Variants in ARID1B observed in about 807,000 individuals in gnomAD.
ARID1B encodes AT-rich interactive domain-containing protein 1B.
A neutral mutation model predicts 212.3 loss-of-function variants in ARID1B; 30 were observed. The ratio of observed to expected loss-of-function variants is 0.14; its 90% CI spans 0.11 to 0.19. The LOEUF is 0.19. ARID1B is among the 10% of genes least tolerant of loss of function. The pLI is 1.00. For synonymous variants in ARID1B, 1,402 were observed against 1,301.7 expected (o/e 1.08, Z -1.66); for missense variants, 2,891 against 3,204.0 (o/e 0.90, Z 2.36).
chr6:156,820,508 C>T (rs544666801), intron 1 of ARID1B, among the ~76,000 whole-genome samples: 2 of 152,300 alleles, frequency 1.3e-5, no homozygotes, highest in South Asian at 4.1e-4. Context: ...GCTCTGCCTT[C>T]AATTTGCTAA....
intron 1 of ARID1B, among the ~76,000 whole-genome samples, chr6:156,826,712 T>C (rs1583112427): frequency 6.6e-6 from 1 of 152,244 alleles, no homozygotes; most frequent in East Asian, 1.9e-4. Context: ...GCAGCGAGAC[T>C]GTCCTTGCCG....
intron 11 of ARID1B, among the ~76,000 whole-genome samples, chr6:157,178,893 G>T (rs1222719094): frequency 6.6e-6 from 1 of 152,152 alleles, no homozygotes; most frequent in African/African-American, 2.4e-5. Context: ...CCACTCCCCA[G>T]TTTCAGTTTA....
At chr6:157,126,530 T>C (rs1444887635) in intron 6 of ARID1B, among the ~76,000 whole-genome samples, 1 of 152,208 alleles carries the variant, frequency 6.6e-6, no homozygotes, top group Non-Finnish European at 1.5e-5. Context: ...GTTCGGTGAC[T>C]GTATGAGCAT....
intron 4 of ARID1B, among the ~76,000 whole-genome samples, chr6:157,065,403 A>G (rs1385234560): frequency 6.6e-6 from 1 of 152,202 alleles, no homozygotes; most frequent in Admixed American, 6.5e-5. Context: ...ATAAATGATG[A>G]TGATATTGTG....
intron 4 of ARID1B, among the ~76,000 whole-genome samples, chr6:157,045,376 A>G (rs1782164830): frequency 6.6e-6 from 1 of 152,236 alleles, no homozygotes; most frequent in Non-Finnish European, 1.5e-5. Flanking sequence ...AACATATACT[A>G]ATTTTCTGTT....
intron 3 of ARID1B, among the ~76,000 whole-genome samples, chr6:156,910,725 T>G (rs1387337666): frequency 1.3e-5 from 2 of 152,208 alleles, no homozygotes; most frequent in Non-Finnish European, 2.9e-5. Context: ...GAACTGGTAG[T>G]TTCATGTTTT....
At chr6:157,169,242 G>A (rs932778400) in intron 9 of ARID1B, 6 of 152,214 alleles carry the variant, frequency 3.9e-5, no homozygotes, top group East Asian at 1.9e-4. Flanking sequence ...TGGAGAAAGC[G>A]AGGACAGCAC....
intron 7 of ARID1B, among the ~76,000 whole-genome samples, chr6:157,138,762 A>C (rs1208603997): frequency 6.6e-6 from 1 of 152,234 alleles, no homozygotes; most frequent in Admixed American, 6.5e-5. Flanking sequence ...ATAAGGCCAC[A>C]GCTTCTTCTT....
At chr6:157,122,417 T>G (rs1313738185) in intron 6 of ARID1B, among the ~76,000 whole-genome samples, 2 of 152,232 alleles carry the variant, frequency 1.3e-5, no homozygotes, top group Non-Finnish European at 2.9e-5. Flanking sequence ...AGCCCACCAC[T>G]ACCCCTGTCT....
At chr6:156,931,214 A>G (rs1158222143) in intron 3 of ARID1B, among the ~76,000 whole-genome samples, 3 of 145,810 alleles carry the variant, frequency 2.1e-5, no homozygotes, top group Non-Finnish European at 4.5e-5. Flanking sequence ...AAAAAAAAAA[A>G]TTCAAAGCTT....
chr6:156,846,859 C>T (rs1039538055), intron 2 of ARID1B, among the ~76,000 whole-genome samples: 5 of 152,140 alleles, frequency 3.3e-5, no homozygotes, highest in Admixed American at 1.3e-4. Context: ...CCCAGCCCCC[C>T]GCCACCCTCT....
chr6:156,797,926 G>A (rs1780506501), intron 1 of ARID1B, among the ~76,000 whole-genome samples: 1 of 152,200 alleles, frequency 6.6e-6, no homozygotes. Flanking sequence ...AAAAGCTGAG[G>A]AGAGTTCCAC....
chr6:156,872,564 G>A (rs1208726468), intron 2 of ARID1B, among the ~76,000 whole-genome samples: 3 of 151,972 alleles, frequency 2.0e-5, no homozygotes, highest in African/African-American at 7.3e-5. Context: ...CAGGTGATCC[G>A]CGCGCCTCAG....
chr6:157,156,801 G>A (rs538271413), intron 8 of ARID1B, among the ~76,000 whole-genome samples: 20 of 152,196 alleles, frequency 1.3e-4, no homozygotes, highest in Non-Finnish European at 2.5e-4. Context: ...TGCAGAGCAC[G>A]GAGGCAGCAT....
chr6:157,124,197 A>G (rs1787977500), intron 6 of ARID1B, among the ~76,000 whole-genome samples: 1 of 152,246 alleles, frequency 6.6e-6, no homozygotes, highest in Non-Finnish European at 1.5e-5. Context: ...AATCCAATTT[A>G]TTAAGCCACT....
At chr6:156,859,958 G>A (rs1197952453) in intron 2 of ARID1B, among the ~76,000 whole-genome samples, 1 of 152,176 alleles carries the variant, frequency 6.6e-6, no homozygotes, top group Non-Finnish European at 1.5e-5. Flanking sequence ...GAGAGAGAGA[G>A]AGAGATTAAT....
intron 6 of ARID1B, among the ~76,000 whole-genome samples, chr6:157,113,739 A>G (rs1014633403): frequency 6.6e-5 from 10 of 152,176 alleles, no homozygotes; most frequent in Non-Finnish European, 1.5e-4. Flanking sequence ...ATCACTGTAC[A>G]TTCCCTTTTG....
chr6:156,989,830 T>C lies in ARID1B; in HGVS notation c.2247+54254T>C, dbSNP rs1778161406. On this transcript the variant is annotated intron_variant, in intron 4 of 19. Coordinates refer to ENST00000636930, the MANE Select transcript of ARID1B (RefSeq NM_001374828.1). ...GGAGTGGCAGTAGCAGTGGTAGATG[T>C]ATGTTACCTCCCGGGTGATGGGAGT... Among the ~76,000 whole-genome samples, 3 of 152,062 alleles carry C rather than the reference T, an allele frequency of 2.0e-5. No homozygotes were observed. The South Asian group carries it at 6.2e-4, about 32-fold the overall frequency.
intron 4 of ARID1B, among the ~76,000 whole-genome samples, chr6:157,017,887 A>G (rs545166213): frequency 6.6e-6 from 1 of 151,332 alleles, no homozygotes; most frequent in African/African-American, 2.4e-5. Flanking sequence ...GCACTTTGGG[A>G]AGCTGAGGCA....
Sources: allele counts gnomAD v4.1 joint callset (sites outside exome capture counted in the v4.1 genomes callset), GRCh38; gene constraint gnomAD v4.1.1; transcripts MANE v1.5; gene names NCBI Gene and HGNC (gene_info 2026-07-23, HGNC 2026-07-21).